The following DHRS7 variants were observed in gnomAD, a reference collection of about 807,000 sequenced individuals.
The protein encoded by DHRS7 is dehydrogenase/reductase 7.
In DHRS7, 34 loss-of-function variants were observed where a neutral mutation model predicts 38.9. The ratio of observed to expected loss-of-function variants is 0.87; its 90% confidence interval spans 0.66 to 1.16. DHRS7 has a LOEUF of 1.16. Ranked by LOEUF, DHRS7 falls within the 50% of genes most tolerant of loss-of-function variation. The pLI, the probability that DHRS7 is intolerant of heterozygous loss-of-function variation, is 0.00. For missense variants in DHRS7, 421 were observed against 407.0 expected (o/e 1.03, Z -0.30); for synonymous variants, 158 against 153.1 (o/e 1.03, Z -0.24).
Position 60,144,929 on chromosome 14 carries a change from TC to T in DHRS7, c.*36del. ...GATTGCTGTTTTCATGTTTTCCATT[TC>T]TCCCTCCAGTGGCTTGAAAAGTACA... On this transcript the variant is annotated 3_prime_UTR_variant, in exon 7 of 7. Coordinates refer to ENST00000557185, the MANE Select transcript of DHRS7 (RefSeq NM_016029.4). 1 of 1,545,450 alleles carries T rather than the reference TC, an allele frequency of 6.5e-7. No homozygotes were observed. Among genetic ancestry groups the T allele is most frequent in the Non-Finnish European group, 8.9e-7 (1 of 1,120,566 alleles).
chr14:60,163,183 AAAAG>A lies in DHRS7; in HGVS notation c.133+1990_133+1993del, dbSNP rs1306800760. Among the ~76,000 whole-genome samples the A allele has an allele frequency of 4.6e-5, 7 of 152,358 alleles. No individual in the cohort carries two copies. The East Asian group carries it at 7.7e-4, about 17-fold the overall frequency. On this transcript the variant is annotated intron_variant, in intron 1 of 6. Transcript: ENST00000557185. ...AGACTCTGTCTCAAAAAAAAAAAGA[AAAAG>A]AAAAAAAGCTTACTCCTTAGTTAAT...
upstream of DHRS7, chr14:60,165,598 C>T: frequency 8.3e-7 from 1 of 1,210,342 alleles, no homozygotes; most frequent in South Asian, 3.3e-5. The surrounding 1 kb of genome is among the most constrained non-coding windows in gnomAD (Gnocchi z 4.6). Flanking sequence ...CATGAGGAAA[C>T]CCTGTGTCTA....
intron 4 of DHRS7, 24 bp downstream of exon 4, chr14:60,152,915 A>G: frequency 1.2e-6 from 2 of 1,613,526 alleles, no homozygotes; most frequent in Non-Finnish European, 1.7e-6. Flanking sequence ...CAGTTCTATC[A>G]GAGTTGAGTT....
At chr14:60,149,947 A>G in intron 5 of DHRS7, 118 bp downstream of exon 5, 1 of 1,003,346 alleles carries the variant, frequency 1.0e-6, no homozygotes, top group Non-Finnish European at 1.4e-6. Flanking sequence ...TTTTGTGAAT[A>G]ATTCACATAA....
intron 6 of DHRS7, 137 bp downstream of exon 6, chr14:60,149,216 G>A: frequency 1.3e-6 from 1 of 768,756 alleles, no homozygotes. Context: ...CAAGTGATCT[G>A]CCTTGGCCTC....
chr14:60,144,967 C>CA lies in DHRS7; in HGVS notation c.1018dup (p.Ter340LeufsTer27). On this transcript the variant is annotated frameshift_variant and stop_lost, in exon 7 of 7. Coordinates refer to ENST00000557185, the MANE Select transcript of DHRS7 (RefSeq NM_016029.4). LOFTEE classifies it high-confidence loss of function. ...GCTTGAAAAGTACAGGTGCTCTTTT[C>CA]AGTCATGTTTTGTCTTAAAGATTTT... 6.2e-7 allele frequency: 1 copy of CA among 1,605,392 alleles called. No homozygotes were observed. Among genetic ancestry groups the CA allele is most frequent in the Non-Finnish European group, 8.5e-7 (1 of 1,176,472 alleles).
chr14:60,149,022 G>A (rs1414530166), intron 6 of DHRS7: 3 of 263,362 alleles, frequency 1.1e-5, no homozygotes, highest in Non-Finnish European at 2.2e-5. Flanking sequence ...ACCCGGGCTG[G>A]AGTGCAGTGG....
intron 1 of DHRS7, among the ~76,000 whole-genome samples, chr14:60,159,646 T>C (rs569994886): frequency 7.0e-6 from 1 of 143,070 alleles, no homozygotes; most frequent in East Asian, 2.0e-4. Context: ...TAGTAAGATA[T>C]ACAAGAAAAT....
chr14:60,164,924 C>T (rs1489459254), intron 1 of DHRS7, among the ~76,000 whole-genome samples: 1 of 152,244 alleles, frequency 6.6e-6, no homozygotes, highest in Non-Finnish European at 1.5e-5. Flanking sequence ...TTGGCACTCC[C>T]TGGAGAGGTT....
At chr14:60,160,154 C>T (rs1224859926) in intron 1 of DHRS7, among the ~76,000 whole-genome samples, 1 of 151,952 alleles carries the variant, frequency 6.6e-6, no homozygotes, top group Non-Finnish European at 1.5e-5. Flanking sequence ...GGCGAAACCC[C>T]ATCTCTACTA....
upstream of DHRS7, chr14:60,169,718 A>G (rs1028781908): frequency 6.6e-6 from 1 of 152,150 alleles, no homozygotes; most frequent in Non-Finnish European, 1.5e-5. Flanking sequence ...GTGGGATGTA[A>G]AGTCCCATTT....
chr14:60,164,178 A>AT (rs61331316), intron 1 of DHRS7, among the ~76,000 whole-genome samples: 1,863 of 118,904 alleles, frequency 0.016, 28 homozygotes, highest in Middle Eastern at 0.027. Flanking sequence ...GTATTACCAG[A>AT]TTTTTTTTTT....
intron 4 of DHRS7, 97 bp from the exon 5 acceptor site, chr14:60,150,284 G>T (rs947011125): frequency 1.4e-5 from 17 of 1,172,554 alleles, no homozygotes; most frequent in African/African-American, 1.6e-5. Flanking sequence ...GTGAGTAAAG[G>T]ACAGGTAGTG....
upstream of DHRS7, among the ~76,000 whole-genome samples, chr14:60,167,779 G>A (rs1021856484): frequency 1.3e-5 from 2 of 152,224 alleles, no homozygotes; most frequent in African/African-American, 4.8e-5. Flanking sequence ...GATTGAGGAT[G>A]TTTTCACATC....
intron 4 of DHRS7, 45 bp downstream of exon 4, chr14:60,152,894 C>A (rs1388502828): frequency 1.3e-5 from 21 of 1,608,646 alleles, no homozygotes; most frequent in Non-Finnish European, 1.7e-5. Context: ...CCCCCATATA[C>A]ACATTTAAGT....
At chr14:60,168,444 G>A (rs181615539), upstream of DHRS7, among the ~76,000 whole-genome samples, 83 of 152,236 alleles carry the variant, frequency 5.5e-4, 2 homozygotes, top group East Asian at 7.9e-3. Flanking sequence ...GAGGTCTGTG[G>A]ATTTTGCCAA....
At chr14:60,154,642 C>G (rs921403231) in intron 2 of DHRS7, among the ~76,000 whole-genome samples, 4 of 152,256 alleles carry the variant, frequency 2.6e-5, no homozygotes, top group Non-Finnish European at 5.9e-5. Context: ...TTCCTGGACT[C>G]TAACCTTGAA....
intron 1 of DHRS7, among the ~76,000 whole-genome samples, chr14:60,163,565 A>C (rs1384827198): frequency 6.6e-6 from 1 of 152,258 alleles, no homozygotes; most frequent in Non-Finnish European, 1.5e-5. Context: ...AATTAAATTT[A>C]AAATCCTTCA....
At position 60,162,268 on chromosome 14, in the gene DHRS7, G is replaced by A. The variant is rs567012875; in HGVS notation, c.133+2909C>T. On this transcript the variant is annotated intron_variant, in intron 1 of 6. Transcript: ENST00000557185. The surrounding 1 kb of genome is among the most constrained non-coding windows in gnomAD (Gnocchi z 4.5). Reference sequence around the variant, plus strand: ...TGCACCTGTAGTCCTAGCTACTGGGGAGGCTGAGGTGGGAGGATTGCCTGA... The same window carrying A: ...TGCACCTGTAGTCCTAGCTACTGGGAAGGCTGAGGTGGGAGGATTGCCTGA... 5.3e-5 allele frequency among the ~76,000 whole-genome samples: 8 copies of A among 152,252 alleles called. No individual in the cohort carries two copies. The East Asian group carries it at 1.5e-3, about 29-fold the overall frequency.
Sources: gnomAD v4.1 joint callset for allele counts (sites outside exome capture counted in the v4.1 genomes callset) on GRCh38, gnomAD v4.1.1 for gene constraint, Gnocchi (gnomAD v3.1) non-coding constraint, MANE v1.5 for transcripts, NCBI Gene and HGNC (gene_info 2026-07-23, HGNC 2026-07-21) for gene names.